The following SLC34A2 variants were observed in gnomAD, a reference collection of about 807,000 sequenced individuals.
SLC34A2 encodes the protein solute carrier family 34 member 2.
In SLC34A2, 41 loss-of-function variants were observed where a neutral mutation model predicts 50.8. That is an observed-to-expected ratio of 0.81 (90% CI 0.63 to 1.05). The LOEUF (loss-of-function observed/expected upper bound fraction) is 1.05, where lower values mean the gene tolerates loss of function less well. Ranked by LOEUF, SLC34A2 falls within the 50% of genes least tolerant of loss-of-function variation. The pLI, the probability that SLC34A2 is intolerant of heterozygous loss-of-function variation, is 0.00. For synonymous variants in SLC34A2, 401 were observed against 364.2 expected, an observed-to-expected ratio of 1.10 and a Z score of -1.15; for missense variants, 879 against 876.7, an observed-to-expected ratio of 1.00 and a Z score of -0.03.
chr4:25,666,081 C>T, intron 4 of SLC34A2, 47 bp from the exon 5 acceptor site: 1 of 1,606,482 alleles, frequency 6.2e-7, no homozygotes, highest in South Asian at 1.1e-5. Context: ...CCTAATCCCC[C>T]TCGATCACGT....
At chr4:25,663,644 G>A (rs1397478633) in intron 3 of SLC34A2, among the ~76,000 whole-genome samples, 2 of 152,122 alleles carry the variant, frequency 1.3e-5, no homozygotes, top group African/African-American at 4.8e-5. Flanking sequence ...AGGAGAGGTA[G>A]GAAGGAAAGA....
At chr4:25,667,832 T>A in intron 5 of SLC34A2, 48 bp from the exon 6 acceptor site, 1 of 1,288,696 alleles carries the variant, frequency 7.8e-7, no homozygotes, top group Non-Finnish European at 1.1e-6. Flanking sequence ...TTAGCCTGCC[T>A]CCAGGCTGCC....
intron 8 of SLC34A2, 43 bp downstream of exon 8, chr4:25,670,876 G>T: frequency 6.9e-7 from 1 of 1,459,828 alleles, no homozygotes. Flanking sequence ...GTGAACCTTT[G>T]CATCTGAACA....
intron 12 of SLC34A2, among the ~76,000 whole-genome samples, chr4:25,675,292 A>C (rs1715054398): frequency 6.6e-6 from 1 of 152,172 alleles, no homozygotes; most frequent in Non-Finnish European, 1.5e-5. Flanking sequence ...TGGCCTCCCA[A>C]AGTGCTGGGA....
chr4:25,656,324 G>T (rs1037021876), intron 1 of SLC34A2: 11 of 152,318 alleles, frequency 7.2e-5, no homozygotes, highest in African/African-American at 2.6e-4. Context: ...ATAAGAAGGG[G>T]AATGCGACAT....
chr4:25,659,841 T>C (rs1383643174), intron 1 of SLC34A2, among the ~76,000 whole-genome samples: 16 of 152,176 alleles, frequency 1.1e-4, no homozygotes, highest in Non-Finnish European at 1.6e-4. Context: ...ATAATTTTCT[T>C]CTAAAATTTA....
chr4:25,674,228 C>A, intron 10 of SLC34A2, 68 bp from the exon 11 acceptor site: 1 of 1,204,134 alleles, frequency 8.3e-7, no homozygotes, highest in East Asian at 2.3e-5. Flanking sequence ...AAGCCCAGCC[C>A]CTACCCCAGG....
At chr4:25,664,364 G>A (rs1359110687) in intron 4 of SLC34A2, 34 bp downstream of exon 4, 1 of 1,613,192 alleles carries the variant, frequency 6.2e-7, no homozygotes, top group African/African-American at 1.3e-5. Context: ...CTGCGGGTGA[G>A]GGGCATTATC....
At chr4:25,664,420 T>C in intron 4 of SLC34A2, 90 bp downstream of exon 4, 1 of 1,403,082 alleles carries the variant, frequency 7.1e-7, no homozygotes, top group South Asian at 1.2e-5. Context: ...CCTCTCCAGC[T>C]GCAGCCTCCT....
chr4:25,678,221 C>G lies in SLC34A2; in HGVS notation c.*1472C>G, dbSNP rs774265442. The G allele has an allele frequency of 1.3e-5, 2 of 152,682 alleles. No homozygotes were observed. Among genetic ancestry groups the G allele is most frequent in the Non-Finnish European group, 1.5e-5 (1 of 68,154 alleles). The allele number at this position is 152,682 out of a possible 1,614,324, so 9.5% of individuals were successfully genotyped here. A position where few individuals can be genotyped will look rare whatever the true frequency, so the allele number is the denominator to read the frequency against. On this transcript the variant is annotated 3_prime_UTR_variant, in exon 13 of 13. Coordinates refer to ENST00000382051, the MANE Select transcript of SLC34A2 (RefSeq NM_006424.3). Reference sequence around the variant, plus strand: ...CAGCAAGTCAGGATATCAGACAGTCCTCCCCTGACCCTCCCCCTTGTAGAT... The same window carrying G: ...CAGCAAGTCAGGATATCAGACAGTCGTCCCCTGACCCTCCCCCTTGTAGAT...
chr4:25,664,473 G>T, intron 4 of SLC34A2, 143 bp downstream of exon 4: 1 of 885,096 alleles, frequency 1.1e-6, no homozygotes, highest in Non-Finnish European at 1.8e-6. Context: ...CATTTATGAA[G>T]TCTATGCTTT....
At chr4:25,661,719 G>A (rs1714194796) in intron 1 of SLC34A2, among the ~76,000 whole-genome samples, 2 of 152,086 alleles carry the variant, frequency 1.3e-5, no homozygotes, top group Non-Finnish European at 2.9e-5. Context: ...ACACTAAGTT[G>A]TATAAATCTG....
chr4:25,676,112 C>A (rs1715094074), intron 12 of SLC34A2, 23 bp from the exon 13 acceptor site: 1 of 1,613,428 alleles, frequency 6.2e-7, no homozygotes, highest in African/African-American at 1.3e-5. Flanking sequence ...GGCCCCTCAC[C>A]TGTCCAACCT....
intron 6 of SLC34A2, among the ~76,000 whole-genome samples, chr4:25,668,907 G>GTT (rs1343657925): frequency 7.2e-6 from 1 of 139,290 alleles, no homozygotes; most frequent in African/African-American, 2.7e-5. Context: ...TTTTTTTTCA[G>GTT]TTTTTTTTTA....
chr4:25,663,560 T>G (rs1158349676), intron 3 of SLC34A2, among the ~76,000 whole-genome samples: 1 of 151,642 alleles, frequency 6.6e-6, no homozygotes, highest in Non-Finnish European at 1.5e-5. Flanking sequence ...CATTTCCAAA[T>G]GTATGTAGGG....
chr4:25,672,992 T>C (rs531594464), intron 9 of SLC34A2, 95 bp from the exon 10 acceptor site: 129 of 1,362,468 alleles, frequency 9.5e-5, no homozygotes, highest in Non-Finnish European at 1.3e-4. Context: ...ACCAGGAATC[T>C]GTTTGTAGGA....
intron 5 of SLC34A2, chr4:25,667,108 C>A (rs1714540965): frequency 6.6e-6 from 1 of 152,252 alleles, no homozygotes; most frequent in East Asian, 1.9e-4. Flanking sequence ...AAAGGTATTA[C>A]ACTTTCAAAA....
At chr4:25,663,487 T>C (rs1287858296) in intron 3 of SLC34A2, among the ~76,000 whole-genome samples, 4 of 152,148 alleles carry the variant, frequency 2.6e-5, no homozygotes, top group Non-Finnish European at 5.9e-5. Flanking sequence ...CACCAAAATG[T>C]GGGCATATTT....
chr4:25,673,189 T>C lies in SLC34A2; in HGVS notation c.1151T>C (p.Val384Ala). ...CTCTGTGGTTGCCTGATCATGATTGTCAAGATCCTGGGCTCTGTGCTCAAG... is the reference window on the plus strand; with the variant it reads ...CTCTGTGGTTGCCTGATCATGATTGCCAAGATCCTGGGCTCTGTGCTCAAG... The part of the protein sequence containing the change: ...LVLCGCLIMI[V>A]KILGSVLKGQ... Residue 384 changes from valine (V) to alanine (A), a missense_variant, in exon 10 of 13, where the codon GTC becomes GCC. Transcript: ENST00000382051. 1 of 1,614,180 alleles carries C rather than the reference T, an allele frequency of 6.2e-7. No individual in the cohort carries two copies. Among genetic ancestry groups the C allele is most frequent in the Non-Finnish European group, 8.5e-7 (1 of 1,180,034 alleles).
Sources: gnomAD v4.1 joint callset for allele counts (sites outside exome capture counted in the v4.1 genomes callset) on GRCh38, gnomAD v4.1.1 for gene constraint, MANE v1.5 for transcripts, NCBI Gene and HGNC (gene_info 2026-07-23, HGNC 2026-07-21) for gene names.